Variants in DAGLA observed in about 807,000 individuals in gnomAD.
The protein encoded by DAGLA is diacylglycerol lipase alpha.
Under a neutral mutation model 102.6 loss-of-function variants are expected in DAGLA, and 22 were observed. That is an observed-to-expected ratio of 0.21 (90% CI 0.15 to 0.31). The LOEUF (loss-of-function observed/expected upper bound fraction) is 0.31. Among genes scored for constraint, DAGLA ranks in the 10% least tolerant of loss-of-function variants. The pLI is 1.00. For synonymous variants in DAGLA, 578 were observed against 628.9 expected (o/e 0.92, Z 1.21); for missense variants, 927 against 1,446.6 (o/e 0.64, Z 5.83).
intron 1 of DAGLA, among the ~76,000 whole-genome samples, chr11:61,695,241 C>T (rs890235912): frequency 3.3e-5 from 5 of 152,140 alleles, no homozygotes; most frequent in Admixed American, 3.3e-4. Context: ...GCCAGCTTTG[C>T]TTTCCCCGCT....
intron 1 of DAGLA, among the ~76,000 whole-genome samples, chr11:61,712,793 G>A (rs1280675153): frequency 2.6e-5 from 4 of 152,196 alleles, no homozygotes; most frequent in Admixed American, 1.3e-4. Flanking sequence ...CTGTAGCCCC[G>A]GGAGCCTGGG....
intron 1 of DAGLA, among the ~76,000 whole-genome samples, chr11:61,715,506 G>A (rs1405157198): frequency 6.6e-6 from 1 of 152,234 alleles, no homozygotes; most frequent in Non-Finnish European, 1.5e-5. Context: ...TCTGCTGGGA[G>A]TCTTGCTGCC....
intron 1 of DAGLA, among the ~76,000 whole-genome samples, chr11:61,702,953 G>T (rs1269168888): frequency 6.6e-6 from 1 of 152,232 alleles, no homozygotes; most frequent in Non-Finnish European, 1.5e-5. Context: ...GTGGTCGTTG[G>T]TAGCCAGTGA....
intron 1 of DAGLA, among the ~76,000 whole-genome samples, chr11:61,718,785 G>T (rs535659519): frequency 6.6e-6 from 1 of 152,192 alleles, no homozygotes; most frequent in African/African-American, 2.4e-5. Flanking sequence ...GCCACAGCTC[G>T]CCAAGTGGCT....
chr11:61,705,481 T>C (rs2065141479), intron 1 of DAGLA, among the ~76,000 whole-genome samples: 1 of 152,206 alleles, frequency 6.6e-6, no homozygotes, highest in Non-Finnish European at 1.5e-5. Flanking sequence ...GCCGAGGGTA[T>C]CCTCCAGTGC....
intron 1 of DAGLA, among the ~76,000 whole-genome samples, chr11:61,714,219 G>T (rs1260146213): frequency 1.3e-5 from 2 of 152,182 alleles, no homozygotes; most frequent in Non-Finnish European, 2.9e-5. Flanking sequence ...TTTCTGTCCT[G>T]GGGACACTGC....
intron 19 of DAGLA, among the ~76,000 whole-genome samples, chr11:61,742,956 C>T (rs1419586005): frequency 6.6e-6 from 1 of 152,170 alleles, no homozygotes; most frequent in Non-Finnish European, 1.5e-5. Flanking sequence ...CCCAGCAGCA[C>T]TCCTGAAGTC....
At position 61,741,013 on chromosome 11, in the gene DAGLA, G is replaced by A. The variant is rs948439963; in HGVS notation, c.1984-149G>A. The stretch of plus-strand genomic sequence containing the variant: ...ATGGGCAAGTCTCAGGCCTTGGGGA[G>A]TGGTGACCTCAGGAGGAGGAGAGTG... On this transcript the variant is annotated intron_variant, in intron 18 of 19. Transcript: ENST00000257215. The A allele has an allele frequency of 2.7e-5, 19 of 711,286 alleles. 1 individual carries two copies. Among genetic ancestry groups the A allele is most frequent in the Admixed American group, 2.1e-4 (7 of 33,370 alleles). 44.1% of individuals were successfully genotyped at this position (711,286 alleles called of 1,614,324 possible).
In DAGLA at chr11:61,684,171, G is replaced by A. The variant is rs920343568; in HGVS notation, c.-45+3667G>A. Among the ~76,000 whole-genome samples the A allele has an allele frequency of 2.0e-5, 3 of 152,216 alleles. No individual in the cohort carries two copies. Among genetic ancestry groups the A allele is most frequent in the Non-Finnish European group, 2.9e-5 (2 of 68,044 alleles). On this transcript the variant is annotated intron_variant, in intron 1 of 19. Coordinates refer to ENST00000257215, the MANE Select transcript of DAGLA (RefSeq NM_006133.3). This position sits in a 1 kb window ranked among gnomAD's most constrained non-coding sequence, Gnocchi z 4.5. The stretch of plus-strand genomic sequence containing the variant: ...CCCAGTCCCTCTCCTCGAGACCAGA[G>A]GGGAACCTCAGTGTTTAATCACCTG...
In DAGLA at chr11:61,697,666, G is replaced by GT. The variant is rs578171832; in HGVS notation, c.-45+17171dup. On this transcript the variant is annotated intron_variant, in intron 1 of 19. Coordinates refer to ENST00000257215, the MANE Select transcript of DAGLA (RefSeq NM_006133.3). Reference sequence around the variant, plus strand: ...TTCCTTCCCACTCAGATATTCTCCTGTTTTTTTTTATTTTTATTATTTTTT... The same window carrying GT: ...TTCCTTCCCACTCAGATATTCTCCTGTTTTTTTTTTATTTTTATTATTTTTT... Among the ~76,000 whole-genome samples the GT allele has an allele frequency of 2.9e-3, 441 of 151,604 alleles. 2 individuals are homozygous for GT. Among genetic ancestry groups the GT allele is most frequent in the African/African-American group, 9.1e-3 (377 of 41,394 alleles).
At chr11:61,717,338 C>A (rs1183660417) in intron 1 of DAGLA, among the ~76,000 whole-genome samples, 8 of 152,140 alleles carry the variant, frequency 5.3e-5, no homozygotes, top group African/African-American at 1.9e-4. Context: ...CAGCCCACCC[C>A]CAACCCTTAT....
chr11:61,746,434 G>A lies in DAGLA; in HGVS notation c.*1945G>A, dbSNP rs1296450256. On this transcript the variant is annotated 3_prime_UTR_variant, in exon 20 of 20. Coordinates refer to ENST00000257215, the MANE Select transcript of DAGLA (RefSeq NM_006133.3). ...GCCTTTTAATTCCTCCTCTGCCAGG[G>A]TGGGTCCTGGGACCTCTAATGTGGG... 1.3e-5 allele frequency: 2 copies of A among 152,518 alleles called. No individual in the cohort carries two copies. Among genetic ancestry groups the A allele is most frequent in the African/African-American group, 4.8e-5 (2 of 41,448 alleles). The allele number at this position is 152,518 out of a possible 1,614,324, so 9.4% of individuals were successfully genotyped here.
intron 3 of DAGLA, among the ~76,000 whole-genome samples, chr11:61,721,421 G>A (rs952697465): frequency 3.9e-5 from 6 of 152,176 alleles, no homozygotes; most frequent in African/African-American, 1.4e-4. Flanking sequence ...GGTTTTATTG[G>A]CACATATCCA....
intron 1 of DAGLA, among the ~76,000 whole-genome samples, chr11:61,691,089 G>A (rs1398614304): frequency 6.6e-6 from 1 of 152,198 alleles, no homozygotes; most frequent in African/African-American, 2.4e-5. Flanking sequence ...TGGAGGGCTC[G>A]GGGCACCTGA....
At position 61,720,181 on chromosome 11, in the gene DAGLA, G is replaced by T; in HGVS notation, c.26G>T (p.Arg9Leu). Reference protein sequence around the residue: MPGIVVFRRRWSVGSDDLV... With the variant: MPGIVVFRLRWSVGSDDLV... Reference sequence around the variant, plus strand: ...ATGCCCGGGATCGTGGTGTTCCGGCGGCGCTGGTCTGTGGGCAGTGATGAC... The same window carrying T: ...ATGCCCGGGATCGTGGTGTTCCGGCTGCGCTGGTCTGTGGGCAGTGATGAC... Residue 9 changes from arginine (R) to leucine (L), a missense_variant, in exon 2 of 20, where the codon CGG becomes CTG. Physicochemically the swap from Arg to Leu is moderately radical, Grantham distance 102. Coordinates refer to ENST00000257215, the MANE Select transcript of DAGLA (RefSeq NM_006133.3). The T allele has an allele frequency of 6.2e-7, 1 of 1,613,524 alleles. No homozygotes were observed.
intron 1 of DAGLA, among the ~76,000 whole-genome samples, chr11:61,707,209 A>G (rs773831047): frequency 2.6e-5 from 4 of 152,212 alleles, no homozygotes; most frequent in Non-Finnish European, 5.9e-5. Flanking sequence ...TCCACCTCCC[A>G]CCACACCCTG....
intron 1 of DAGLA, among the ~76,000 whole-genome samples, chr11:61,694,378 T>C (rs537957542): frequency 6.6e-6 from 1 of 152,336 alleles, no homozygotes; most frequent in East Asian, 1.9e-4. Context: ...GTCAAGGGCT[T>C]GAGCAAGGCC....
rs1185358957 is a variant in DAGLA, at chr11:61,738,153, G to A, written c.1602G>A (p.Leu534=). 3 of 1,613,534 alleles carry A rather than the reference G, an allele frequency of 1.9e-6. No individual in the cohort carries two copies. The highest frequency in any genetic ancestry group is 2.7e-5 in the African/African-American group (2 of 74,936). The stretch of plus-strand genomic sequence containing the variant: ...TCCCCAGGATTGGCCTCTCTCAGCT[G>A]GAAGGCTTCCGCAGACAGCTCCTGG... ...DLVPRIGLSQ[L]EGFRRQLLDV... is the part of the protein sequence containing the mutation. The change falls in exon 16 of 20, where the codon CTG becomes CTA. Residue 534 remains leucine, a synonymous_variant. Coordinates refer to ENST00000257215, the MANE Select transcript of DAGLA (RefSeq NM_006133.3).
At chr11:61,737,811 G>A (rs2065437735) in intron 15 of DAGLA, 56 bp downstream of exon 15, 5 of 1,464,760 alleles carry the variant, frequency 3.4e-6, no homozygotes, top group Non-Finnish European at 4.8e-6. Flanking sequence ...CCCTCCTCCA[G>A]GCCTCTCCCC....
Sources: gnomAD v4.1 joint callset for allele counts (sites outside exome capture counted in the v4.1 genomes callset) on GRCh38, gnomAD v4.1.1 for gene constraint, Gnocchi (gnomAD v3.1) non-coding constraint, MANE v1.5 for transcripts, NCBI Gene and HGNC (gene_info 2026-07-23, HGNC 2026-07-21) for gene names.